Variants in PCDH15 observed in about 807,000 individuals in gnomAD.
The protein encoded by PCDH15 is protocadherin related 15.
Under a neutral mutation model 178.5 loss-of-function variants are expected in PCDH15, and 129 were observed. The observed-to-expected ratio is 0.72, with a 90% CI of 0.63 to 0.84. The LOEUF (loss-of-function observed/expected upper bound fraction) is 0.84, where lower values mean the gene tolerates loss of function less well. Among genes scored for constraint, PCDH15 ranks in the 40% least tolerant of loss-of-function variants. The pLI is 0.00. For missense variants in PCDH15, 2,230 were observed against 2,099.9 expected (o/e 1.06, Z -1.21); for synonymous variants, 800 against 732.0 (o/e 1.09, Z -1.50).
intron 3 of PCDH15, among the ~76,000 whole-genome samples, chr10:54,479,437 C>T (rs2078538884): frequency 6.6e-6 from 1 of 151,838 alleles, no homozygotes; most frequent in African/African-American, 2.4e-5. Flanking sequence ...CTATGCTTTA[C>T]TAATTATCTA....
At chr10:55,482,502 G>C (rs1340305295) in intron 2 of PCDH15, among the ~76,000 whole-genome samples, 1 of 151,786 alleles carries the variant, frequency 6.6e-6, no homozygotes, top group Non-Finnish European at 1.5e-5. Flanking sequence ...GCTCTTACAA[G>C]GCAGGTCTGG....
At chr10:53,920,454 T>G (rs2083904197) in intron 25 of PCDH15, among the ~76,000 whole-genome samples, 1 of 152,014 alleles carries the variant, frequency 6.6e-6, no homozygotes, top group African/African-American at 2.4e-5. Flanking sequence ...AGATATATAA[T>G]TTAAAAAAAT....
At chr10:55,263,569 A>G (rs935258925) in intron 1 of PCDH15, among the ~76,000 whole-genome samples, 2 of 152,116 alleles carry the variant, frequency 1.3e-5, no homozygotes, top group East Asian at 3.9e-4. Context: ...CCACAACCCC[A>G]AAGGGCCAAT....
At chr10:54,988,044 G>A (rs953549388) in intron 2 of PCDH15, among the ~76,000 whole-genome samples, 2 of 152,074 alleles carry the variant, frequency 1.3e-5, no homozygotes, top group African/African-American at 4.8e-5. Context: ...TTTGTATAAG[G>A]TATAAGGAAG....
chr10:54,843,927 G>C (rs1411774345), intron 3 of PCDH15, among the ~76,000 whole-genome samples: 1 of 151,980 alleles, frequency 6.6e-6, no homozygotes, highest in African/African-American at 2.4e-5. Flanking sequence ...ACAAAAATAC[G>C]ATTTAACATG....
chr10:54,921,827 C>T (rs980366665), intron 2 of PCDH15, among the ~76,000 whole-genome samples: 2 of 152,150 alleles, frequency 1.3e-5, no homozygotes, highest in African/African-American at 4.8e-5. Context: ...GTTCCGCAGG[C>T]TGTACAGGTA....
chr10:54,607,818 T>C, intron 2 of PCDH15: 1 of 521,702 alleles, frequency 1.9e-6, no homozygotes, highest in South Asian at 1.4e-5. Flanking sequence ...AGAATGATGG[T>C]AAGGAAGAGA....
intron 8 of PCDH15, among the ~76,000 whole-genome samples, chr10:54,271,733 A>C (rs2058060086): frequency 6.6e-6 from 1 of 152,072 alleles, no homozygotes; most frequent in Non-Finnish European, 1.5e-5. Context: ...ATTTGCCCTT[A>C]CATCATGTAA....
Position 53,806,736 on chromosome 10 carries a change from C to G in PCDH15, c.5066G>C (p.Arg1689Thr). Residue 1689 changes from arginine to threonine, a missense_variant, in exon 38 of 38, where the codon AGG becomes ACG. By Grantham distance (71) the Arg-to-Thr change is moderately conservative. Coordinates refer to ENST00000644397, the MANE Select transcript of PCDH15 (RefSeq NM_001384140.1). ...GTDNTAVKPL[R>T]NRLKSTVEQE... ...TTCAACTGTGCTTTTCAGCCTGTTC[C>G]TTAGTGGCTTCACCGCTGTATTGTC... The G allele has an allele frequency of 6.2e-7, 1 of 1,613,800 alleles. No homozygotes were observed. Among genetic ancestry groups the G allele is most frequent in the Non-Finnish European group, 8.5e-7 (1 of 1,179,794 alleles).
At chr10:55,122,167 T>C (rs1029488051) in intron 2 of PCDH15, among the ~76,000 whole-genome samples, 1 of 152,202 alleles carries the variant, frequency 6.6e-6, no homozygotes, top group Non-Finnish European at 1.5e-5. Flanking sequence ...TTAGTGTCCA[T>C]TTTTTATTTA....
intron 2 of PCDH15, among the ~76,000 whole-genome samples, chr10:54,955,050 T>C (rs1838446146): frequency 6.6e-6 from 1 of 151,230 alleles, no homozygotes; most frequent in Admixed American, 6.6e-5. Flanking sequence ...AAAGTATTAA[T>C]ATAATTCATT....
At chr10:54,080,458 AAG>A (rs2094420014) in intron 16 of PCDH15, among the ~76,000 whole-genome samples, 1 of 152,152 alleles carries the variant, frequency 6.6e-6, no homozygotes, top group Non-Finnish European at 1.5e-5. Flanking sequence ...CACTGTGTAG[AAG>A]AGTTTATCTG....
At chr10:54,079,573 C>G (rs986855788) in intron 16 of PCDH15, 149 bp from the exon 17 acceptor site, 1 of 777,190 alleles carries the variant, frequency 1.3e-6, no homozygotes, top group Non-Finnish European at 2.2e-6. Flanking sequence ...TACTAAGATT[C>G]ATTCTGAAAA....
chr10:54,557,025 T>A (rs1311469250), intron 2 of PCDH15, among the ~76,000 whole-genome samples: 1 of 152,158 alleles, frequency 6.6e-6, no homozygotes, highest in African/African-American at 2.4e-5. Flanking sequence ...TTTATCAGAA[T>A]CTTTAAAGAC....
At chr10:53,823,584 A>C (rs1554821277) in intron 32 of PCDH15, 1 of 658,960 alleles carries the variant, frequency 1.5e-6, no homozygotes, top group East Asian at 2.8e-5. Context: ...AATGAAAAAA[A>C]AAGTACTCAT....
At chr10:55,315,002 C>T (rs929755413) in intron 1 of PCDH15, among the ~76,000 whole-genome samples, 5 of 152,016 alleles carry the variant, frequency 3.3e-5, no homozygotes, top group African/African-American at 9.7e-5. Context: ...AATATTTATA[C>T]ATCTGTGTAC....
intron 1 of PCDH15, among the ~76,000 whole-genome samples, chr10:54,672,403 G>A (rs112655357): frequency 6.6e-6 from 1 of 152,174 alleles, no homozygotes; most frequent in African/African-American, 2.4e-5. Flanking sequence ...CTTCTAATGT[G>A]TAGAATATGA....
chr10:54,119,878 C>T (rs1194865196), intron 15 of PCDH15, among the ~76,000 whole-genome samples: 1 of 151,866 alleles, frequency 6.6e-6, no homozygotes, highest in African/African-American at 2.4e-5. Flanking sequence ...ACTCATCCAC[C>T]CGCGATCTAC....
rs2094574081 is a variant in PCDH15, at chr10:54,090,044, T to C, written c.1937A>G (p.Asp646Gly). ...LNLQATDREG[D>G]SITYAIENGD... is the part of the protein sequence containing the mutation. ...ATTCTCAATGGCATATGTTATTGAG[T>C]CTCCCTCTCGATCAGTTGCCTTCAG... Residue 646 changes from aspartate (D) to glycine (G), a missense_variant, in exon 16 of 38, where the codon GAC (aspartate) becomes GGC (glycine). Coordinates refer to ENST00000644397, the MANE Select transcript of PCDH15 (RefSeq NM_001384140.1). The C allele has an allele frequency of 6.2e-7, 1 of 1,611,818 alleles. No individual in the cohort carries two copies. Among genetic ancestry groups the C allele is most frequent in the African/African-American group, 1.3e-5 (1 of 74,936 alleles).
Sources: gnomAD v4.1 joint callset for allele counts (sites outside exome capture counted in the v4.1 genomes callset) on GRCh38, gnomAD v4.1.1 for gene constraint, MANE v1.5 for transcripts, NCBI Gene and HGNC (gene_info 2026-07-23, HGNC 2026-07-21) for gene names.